The following SBF2 variants were observed in gnomAD, a reference collection of about 807,000 sequenced individuals.
SBF2 encodes the protein SET binding factor 2.
In SBF2, 112 loss-of-function variants were observed where a neutral mutation model predicts 225.2. That is an observed-to-expected ratio of 0.50 (90% CI 0.43 to 0.58). The LOEUF (loss-of-function observed/expected upper bound fraction) is 0.58. SBF2 is among the 20% of genes least tolerant of loss of function. SBF2 has a pLI of 0.00. For synonymous variants in SBF2, 763 were observed against 773.3 expected (o/e 0.99, Z 0.22); for missense variants, 1,996 against 2,206.2 (o/e 0.90, Z 1.91).
chr11:10,188,580 A>T (rs573541272), intron 2 of SBF2, among the ~76,000 whole-genome samples: 1 of 152,332 alleles, frequency 6.6e-6, no homozygotes, highest in East Asian at 1.9e-4. Context: ...GCACTGACAA[A>T]ATAAGCAGAA....
intron 17 of SBF2, among the ~76,000 whole-genome samples, chr11:9,874,260 T>C (rs1367030761): frequency 6.6e-6 from 1 of 152,168 alleles, no homozygotes. Context: ...TGAATCTAAG[T>C]AAAAACTTAT....
intron 17 of SBF2, among the ~76,000 whole-genome samples, chr11:9,890,701 C>A (rs1483099606): frequency 6.6e-6 from 1 of 152,160 alleles, no homozygotes; most frequent in African/African-American, 2.4e-5. Context: ...CAATAACCAA[C>A]AGATGTGCCT....
At chr11:9,884,819 A>C (rs766903356) in intron 17 of SBF2, among the ~76,000 whole-genome samples, 9 of 152,200 alleles carry the variant, frequency 5.9e-5, no homozygotes, top group Non-Finnish European at 1.2e-4. Flanking sequence ...TGTTCCAAGT[A>C]ATATTCTGGG....
chr11:10,084,947 G>A (rs905280413), intron 2 of SBF2, among the ~76,000 whole-genome samples: 26 of 152,128 alleles, frequency 1.7e-4, no homozygotes, highest in Non-Finnish European at 2.8e-4. Flanking sequence ...GAGCTATGGC[G>A]GGGGTAGCAT....
At chr11:10,168,881 C>T (rs1279146459) in intron 2 of SBF2, among the ~76,000 whole-genome samples, 6 of 152,108 alleles carry the variant, frequency 3.9e-5, no homozygotes, top group Non-Finnish European at 7.4e-5. Flanking sequence ...GCAATGGAAA[C>T]CACAATAAAT....
Position 10,145,875 on chromosome 11 carries a change from G to A in SBF2, c.141+48027C>T, listed in dbSNP as rs112430278. 3.6e-3 allele frequency among the ~76,000 whole-genome samples: 552 copies of A among 152,232 alleles called. 4 individuals are homozygous for A. Among genetic ancestry groups the A allele is most frequent in the African/African-American group, 0.013 (527 of 41,546 alleles). On this transcript the variant is annotated intron_variant, in intron 2 of 39. Coordinates refer to ENST00000256190, the MANE Select transcript of SBF2 (RefSeq NM_030962.4). ...TCAGCTGATAAACAACTTCAGCTAA[G>A]TTTCAGGATACAATATCAACATACA...
intron 2 of SBF2, among the ~76,000 whole-genome samples, chr11:10,086,165 C>G (rs1951557696): frequency 6.6e-6 from 1 of 151,934 alleles, no homozygotes; most frequent in Non-Finnish European, 1.5e-5. Flanking sequence ...TATACAATTT[C>G]TGTTTAATTA....
At chr11:10,043,068 T>A in intron 2 of SBF2, 87 bp from the exon 3 acceptor site, 1 of 1,369,426 alleles carries the variant, frequency 7.3e-7, no homozygotes, top group African/African-American at 1.4e-5. Context: ...GTTTGCCCAT[T>A]TTAACAAATT....
At position 9,943,103 on chromosome 11, in the gene SBF2, A is replaced by G. The variant is rs367952360; in HGVS notation, c.1860+18854T>C. Among the ~76,000 whole-genome samples the G allele has an allele frequency of 6.6e-5, 10 of 152,318 alleles. No homozygotes were observed. In the East Asian group the frequency reaches 1.5e-3, roughly 23 times the overall value. On this transcript the variant is annotated intron_variant, in intron 16 of 39. Coordinates refer to ENST00000256190, the MANE Select transcript of SBF2 (RefSeq NM_030962.4). ...TCACATATTTATAGAAATCTGATATATAAAAAAGGGGTTATTGCAAATCAG... is the reference window on the plus strand; with the variant it reads ...TCACATATTTATAGAAATCTGATATGTAAAAAAGGGGTTATTGCAAATCAG...
chr11:10,115,998 C>T (rs190409329), intron 2 of SBF2, among the ~76,000 whole-genome samples: 1 of 152,018 alleles, frequency 6.6e-6, no homozygotes, highest in African/African-American at 2.4e-5. Context: ...AACCCCATCT[C>T]TACTAAAAAA....
chr11:10,152,138 T>TTA (rs1955228599), intron 2 of SBF2, among the ~76,000 whole-genome samples: 1 of 152,236 alleles, frequency 6.6e-6, no homozygotes, highest in African/African-American at 2.4e-5. Context: ...AAAGACATCC[T>TTA]TATAGAATCT....
chr11:10,172,875 C>T (rs1277938326), intron 2 of SBF2, among the ~76,000 whole-genome samples: 1 of 152,114 alleles, frequency 6.6e-6, no homozygotes, highest in African/African-American at 2.4e-5. Flanking sequence ...GCCATGCTGG[C>T]CAGGCTGGTC....
intron 2 of SBF2, among the ~76,000 whole-genome samples, chr11:10,154,716 T>C (rs907342324): frequency 1.3e-5 from 2 of 152,188 alleles, no homozygotes; most frequent in Admixed American, 6.5e-5. Context: ...TATGTGGCCA[T>C]AACTTGAGAT....
intron 1 of SBF2, among the ~76,000 whole-genome samples, chr11:10,217,610 C>T (rs1349866114): frequency 1.3e-5 from 2 of 152,102 alleles, no homozygotes; most frequent in Admixed American, 1.3e-4. Flanking sequence ...ATGTTCACTG[C>T]TACAAGTCAG....
intron 1 of SBF2, among the ~76,000 whole-genome samples, chr11:10,212,374 G>C (rs55635353): frequency 1.3e-5 from 2 of 152,136 alleles, no homozygotes; most frequent in African/African-American, 4.8e-5. Flanking sequence ...CTCCTGAAAG[G>C]TTTCAGTATT....
intron 16 of SBF2, chr11:9,961,709 CT>C: frequency 2.6e-6 from 1 of 390,952 alleles, no homozygotes; most frequent in Non-Finnish European, 4.6e-6. Context: ...TTTCAAAGAA[CT>C]TGCTTATATT....
rs554409939 is a variant in SBF2 at position 10,283,513 on chromosome 11, T to C, written c.55+10502A>G. On this transcript the variant is annotated intron_variant, in intron 1 of 39. Coordinates refer to ENST00000256190, the MANE Select transcript of SBF2 (RefSeq NM_030962.4). Reference sequence around the variant, plus strand: ...ACATGTCGAATGTTCTCTAACATACTTAAACAGACTGATATGAAAAAAAAC... The same window carrying C: ...ACATGTCGAATGTTCTCTAACATACCTAAACAGACTGATATGAAAAAAAAC... Among the ~76,000 whole-genome samples, 10 of 151,938 alleles carry C rather than the reference T, an allele frequency of 6.6e-5. 1 individual carries two copies. The South Asian group carries it at 2.1e-3, about 32-fold the overall frequency.
chr11:9,986,822 T>C (rs537769903), intron 13 of SBF2, among the ~76,000 whole-genome samples: 1 of 152,238 alleles, frequency 6.6e-6, no homozygotes, highest in East Asian at 1.9e-4. Context: ...ACCAGATGGA[T>C]TCACAGCAGA....
At position 9,808,912 on chromosome 11, in the gene SBF2, T is replaced by C. The variant is rs1854004861; in HGVS notation, c.4246A>G (p.Ile1416Val). Residue 1416 changes from isoleucine to valine, a missense_variant, in exon 31 of 40, where the codon ATC becomes GTC. By Grantham distance (29) the Ile-to-Val change is conservative (BLOSUM62 3). Transcript: ENST00000256190. ...GTCTAATAGTTTACTTGTGCAGTGA[T>C]GTCCCAGCCTTCCTCCAAACAGACC... ...VLVCLEEGWD[I>V]TAQVTSLVQL... 1 of 1,610,930 alleles carries C rather than the reference T, an allele frequency of 6.2e-7. No individual in the cohort carries two copies. Among genetic ancestry groups the C allele is most frequent in the Non-Finnish European group, 8.5e-7 (1 of 1,177,176 alleles).
Sources: gnomAD v4.1 joint callset for allele counts (sites outside exome capture counted in the v4.1 genomes callset) on GRCh38, gnomAD v4.1.1 for gene constraint, MANE v1.5 for transcripts, NCBI Gene and HGNC (gene_info 2026-07-23, HGNC 2026-07-21) for gene names.